ZSCAN5A: variants seen among roughly 807,000 people sequenced by gnomAD.
ZSCAN5A encodes zinc finger and SCAN domain-containing protein 5A.
In ZSCAN5A, 12 loss-of-function variants were observed where a neutral mutation model predicts 23.7. The observed-to-expected ratio is 0.51, with a 90% CI of 0.32 to 0.82. ZSCAN5A has a LOEUF of 0.82. ZSCAN5A is among the 40% of genes least tolerant of loss of function. The pLI is 0.03. For synonymous variants in ZSCAN5A, 257 were observed against 239.9 expected (o/e 1.07, Z -0.66); for missense variants, 597 against 617.9 (o/e 0.97, Z 0.36).
chr19:56,324,059 A>G (rs2041409827), intron 2 of ZSCAN5A, among the ~76,000 whole-genome samples: 1 of 152,078 alleles, frequency 6.6e-6, no homozygotes, highest in Non-Finnish European at 1.5e-5. Flanking sequence ...CTGCTGTACT[A>G]CTGAACAGTA....
At chr19:56,248,292 A>T (rs1188255433) in intron 2 of ZSCAN5A, among the ~76,000 whole-genome samples, 1 of 150,140 alleles carries the variant, frequency 6.7e-6, no homozygotes, top group East Asian at 2.0e-4. Flanking sequence ...ATGGGGCCTC[A>T]CTCTTTCACC....
At chr19:56,277,386 C>T (rs113114733) in intron 2 of ZSCAN5A, among the ~76,000 whole-genome samples, 35 of 152,250 alleles carry the variant, frequency 2.3e-4, no homozygotes, top group African/African-American at 7.0e-4. Flanking sequence ...CATTCAACAT[C>T]GTGTGTGAGC....
intron 4 of ZSCAN5A, 63 bp from the exon 5 acceptor site, chr19:56,222,804 C>G: frequency 1.2e-6 from 2 of 1,602,468 alleles, no homozygotes; most frequent in African/African-American, 1.3e-5. Flanking sequence ...AGGGACACAT[C>G]TGTCCCCTTC....
At chr19:56,320,806 A>G (rs544997645) in intron 2 of ZSCAN5A, 8 of 805,074 alleles carry the variant, frequency 9.9e-6, no homozygotes, top group Non-Finnish European at 1.8e-5. Flanking sequence ...CAAAAGCCTT[A>G]TCACCATAGG....
intron 2 of ZSCAN5A, among the ~76,000 whole-genome samples, chr19:56,340,397 G>T (rs529006274): frequency 1.9e-4 from 29 of 152,316 alleles, no homozygotes; most frequent in African/African-American, 7.0e-4. Context: ...AGGTTAGATT[G>T]TCGGATCTCC....
rs115629801 is a variant in ZSCAN5A, at chr19:56,280,060, C to T, written c.-128+33223G>A. Reference sequence around the variant, plus strand: ...AACCTATTCACTCATTTCCCTTCCCCGAAAGAATCTGATATTAATTATTTC... The same window carrying T: ...AACCTATTCACTCATTTCCCTTCCCTGAAAGAATCTGATATTAATTATTTC... On this transcript the variant is annotated intron_variant, in intron 2 of 5. Transcript: ENST00000683990. Among the ~76,000 whole-genome samples, 654 of 152,178 alleles carry T rather than the reference C, an allele frequency of 4.3e-3. 4 individuals are homozygous for T. Among genetic ancestry groups the T allele is most frequent in the African/African-American group, 0.015 (623 of 41,508 alleles).
At position 56,325,730 on chromosome 19, in the gene ZSCAN5A, CTGTTGT is replaced by C. The variant is rs35087517; in HGVS notation, c.-357-9468_-357-9463del. ...TTAGTGAGGCAGATATACTGGTTAT[CTGTTGT>C]TGTTGTTGTTGTTGCTGTTTTCAGG... is the stretch of plus-strand genomic sequence containing the variant. On this transcript the variant is annotated intron_variant, in intron 2 of 6. Coordinates refer to the ZSCAN5A transcript ENST00000587340. 9.9e-5 allele frequency among the ~76,000 whole-genome samples: 15 copies of C among 151,536 alleles called. No homozygotes were observed. The South Asian group carries it at 1.7e-3, about 17-fold the overall frequency.
chr19:56,293,517 G>C (rs1401083771), intron 2 of ZSCAN5A, among the ~76,000 whole-genome samples: 3 of 152,216 alleles, frequency 2.0e-5, no homozygotes, highest in Admixed American at 2.0e-4. Context: ...GGAACTGGCA[G>C]AGAGTGTGCA....
At chr19:56,274,805 C>G (rs899987787) in intron 2 of ZSCAN5A, 1 of 152,208 alleles carries the variant, frequency 6.6e-6, no homozygotes, top group Non-Finnish European at 1.5e-5. Flanking sequence ...GAAAATCCAG[C>G]TCTTGCTCAA....
chr19:56,355,255 T>C (rs749363212), intron 2 of ZSCAN5A, among the ~76,000 whole-genome samples: 2 of 148,704 alleles, frequency 1.3e-5, no homozygotes, highest in Non-Finnish European at 3.0e-5. Context: ...AGATTATTGC[T>C]TAAATCAAAA....
chr19:56,250,518 C>T (rs1258873521), intron 2 of ZSCAN5A, among the ~76,000 whole-genome samples: 1 of 152,154 alleles, frequency 6.6e-6, no homozygotes, highest in Non-Finnish European at 1.5e-5. Flanking sequence ...ACATGCTGCT[C>T]GTCAATAGAC....
chr19:56,281,059 T>G (rs555011450), intron 2 of ZSCAN5A, among the ~76,000 whole-genome samples: 54 of 152,348 alleles, frequency 3.5e-4, no homozygotes, highest in Middle Eastern at 6.8e-3. Context: ...AACAGTAGAT[T>G]AACATATATT....
chr19:56,323,032 T>C (rs909791516), intron 2 of ZSCAN5A, among the ~76,000 whole-genome samples: 2 of 150,674 alleles, frequency 1.3e-5, no homozygotes, highest in African/African-American at 2.4e-5. Context: ...GTAGCTGGGA[T>C]TACAGGTGCC....
At chr19:56,230,056 T>A (rs773001510) in intron 2 of ZSCAN5A, among the ~76,000 whole-genome samples, 2 of 152,168 alleles carry the variant, frequency 1.3e-5, no homozygotes, top group Non-Finnish European at 2.9e-5. Flanking sequence ...TCCTTCTGAA[T>A]TTGGATGCCC....
upstream of ZSCAN5A, among the ~76,000 whole-genome samples, chr19:56,319,185 G>A (rs1181544662): frequency 1.3e-5 from 2 of 152,122 alleles, no homozygotes; most frequent in Non-Finnish European, 2.9e-5. Flanking sequence ...AATCAGGTAA[G>A]GAAGCTGTAC....
At chr19:56,291,919 G>A (rs1035434313) in intron 2 of ZSCAN5A, among the ~76,000 whole-genome samples, 5 of 152,184 alleles carry the variant, frequency 3.3e-5, no homozygotes. Flanking sequence ...CCAGGCGCGA[G>A]GCACCAGAGC....
intron 2 of ZSCAN5A, among the ~76,000 whole-genome samples, chr19:56,331,783 C>T (rs1031634967): frequency 6.6e-5 from 10 of 151,534 alleles, no homozygotes; most frequent in Non-Finnish European, 1.2e-4. Flanking sequence ...GATGGGGTTT[C>T]GTCAGTTGGC....
At chr19:56,240,124 T>C (rs1294173973) in intron 2 of ZSCAN5A, among the ~76,000 whole-genome samples, 1 of 151,476 alleles carries the variant, frequency 6.6e-6, no homozygotes, top group East Asian at 1.9e-4. Context: ...ATCACGCCAC[T>C]GAACTCTAGC....
chr19:56,256,072 A>G (rs1234543817), intron 2 of ZSCAN5A, among the ~76,000 whole-genome samples: 1 of 152,258 alleles, frequency 6.6e-6, no homozygotes, highest in Non-Finnish European at 1.5e-5. Context: ...CTAAAAAACT[A>G]GAAACACAAT....
Sources: gnomAD v4.1 joint callset for allele counts (sites outside exome capture counted in the v4.1 genomes callset) on GRCh38, gnomAD v4.1.1 for gene constraint, MANE v1.5 for transcripts, NCBI Gene and HGNC (gene_info 2026-07-23, HGNC 2026-07-21) for gene names.